Variants in WNK1 observed in about 807,000 individuals in gnomAD.
The protein encoded by WNK1 is serine/threonine-protein kinase WNK1.
WNK1 carries 38 observed loss-of-function variants against 222.8 expected under a neutral mutation model. That is an observed-to-expected ratio of 0.17 (90% CI 0.13 to 0.22). The LOEUF (loss-of-function observed/expected upper bound fraction) is 0.22. Ranked by LOEUF, WNK1 falls within the 10% of genes least tolerant of loss-of-function variation. The pLI is 1.00. For missense variants in WNK1, 2,348 were observed against 2,918.4 expected, an observed-to-expected ratio of 0.80 and a Z score of 4.50; for synonymous variants, 1,090 against 1,092.9, an observed-to-expected ratio of 1.00 and a Z score of 0.05.
chr12:785,223 T>C (rs1445318737), intron 1 of WNK1, among the ~76,000 whole-genome samples: 1 of 152,086 alleles, frequency 6.6e-6, no homozygotes, highest in African/African-American at 2.4e-5. Context: ...TTGGTATGGG[T>C]CTCTTTTTTC....
chr12:862,540 A>T (rs766003001), intron 8 of WNK1, among the ~76,000 whole-genome samples: 11 of 152,238 alleles, frequency 7.2e-5, no homozygotes, highest in Non-Finnish European at 1.5e-4. Context: ...TAAGATGTTG[A>T]AACTATTCAC....
Position 824,252 on chromosome 12 carries a change from G to A in WNK1, c.933-2790G>A, listed in dbSNP as rs1948166299. On this transcript the variant is annotated intron_variant, in intron 2 of 27. Transcript: ENST00000315939. ...TTTTTTTTGTCCTATCTGCACTGAT[G>A]GTGCCTAATTGTCACTTTTCTTTCT... 2.1e-5 allele frequency among the ~76,000 whole-genome samples: 3 copies of A among 144,972 alleles called. No homozygotes were observed. In the Admixed American group the frequency reaches 2.1e-4, roughly 10 times the overall value.
chr12:871,289 C>T lies in WNK1; in HGVS notation c.2164C>T (p.Pro722Ser). Residue 722 changes from proline to serine, a missense_variant, in exon 9 of 28, where the codon CCA (proline) becomes TCA (serine). By Grantham distance (74) the Pro-to-Ser change is moderately conservative. This residue lies in a region of WNK1 where 547 missense variants were observed against 558.3 expected (regional missense o/e 0.98). Coordinates refer to ENST00000315939, the MANE Select transcript of WNK1 (RefSeq NM_018979.4). ...SVAQGQSQGQPSSSSLTGVSS... is the reference protein window; with the variant it reads ...SVAQGQSQGQSSSSSLTGVSS... ...GGCACAGGGGCAGAGCCAGGGTCAGCCATCCTCAAGTAGCTTAACAGGGGT... is the reference window on the plus strand; with the variant it reads ...GGCACAGGGGCAGAGCCAGGGTCAGTCATCCTCAAGTAGCTTAACAGGGGT... 3 of 1,614,170 alleles carry T rather than the reference C, an allele frequency of 1.9e-6. No individual in the cohort carries two copies. Among genetic ancestry groups the T allele is most frequent in the South Asian group, 2.2e-5 (2 of 91,076 alleles).
At position 760,638 on chromosome 12, in the gene WNK1, T is replaced by G. The variant is rs1940883515; in HGVS notation, c.759+6314T>G. On this transcript the variant is annotated intron_variant, in intron 1 of 27. Coordinates refer to ENST00000315939, the MANE Select transcript of WNK1 (RefSeq NM_018979.4). ...TTTAGGAGCTTTTTGCTTTGTCAAC[T>G]TAATTTCTCAAATCTTAACAGGGGA... is the stretch of plus-strand genomic sequence containing the variant. 2.0e-5 allele frequency among the ~76,000 whole-genome samples: 3 copies of G among 148,090 alleles called. 1 individual carries two copies. In the South Asian group the frequency reaches 6.5e-4, roughly 32 times the overall value.
At chr12:817,535 C>T (rs919065805) in intron 2 of WNK1, among the ~76,000 whole-genome samples, 4 of 152,078 alleles carry the variant, frequency 2.6e-5, no homozygotes, top group African/African-American at 9.7e-5. Context: ...TTCCAAAATG[C>T]GTGCTTTTTG....
chr12:885,312 C>T lies in WNK1; in HGVS notation c.4508C>T (p.Ser1503Leu). ...STTTSFPSTA[S>L]QLCIQLSSST... is the part of the protein sequence containing the mutation. ...ACCACTTCATTCCCAAGCACAGCTT[C>T]ACAGCTGTGCATTCAGCTTAGCAGC... Residue 1503 changes from serine (S) to leucine (L), a missense_variant, in exon 19 of 28, where the codon TCA becomes TTA. Physicochemically the swap from Ser to Leu is moderately radical, Grantham distance 145. This residue lies in a region of WNK1 where 1,144 missense variants were observed against 1,273.6 expected (regional missense o/e 0.90). Transcript: ENST00000315939. 6.2e-7 allele frequency: 1 copy of T among 1,614,200 alleles called. No individual in the cohort carries two copies. The highest frequency in any genetic ancestry group is 8.5e-7 in the Non-Finnish European group (1 of 1,180,036).
At chr12:796,215 C>G (rs1447822813) in intron 1 of WNK1, among the ~76,000 whole-genome samples, 1 of 151,950 alleles carries the variant, frequency 6.6e-6, no homozygotes, top group Non-Finnish European at 1.5e-5. Context: ...TGCTCTTGTG[C>G]TTATAATATA....
chr12:848,945 T>C (rs1950225940), intron 4 of WNK1, among the ~76,000 whole-genome samples: 1 of 152,198 alleles, frequency 6.6e-6, no homozygotes, highest in African/African-American at 2.4e-5. Context: ...TGTTGCCTAA[T>C]AGAGTTTTAA....
At chr12:788,237 G>A (rs7311065) in intron 1 of WNK1, among the ~76,000 whole-genome samples, 114,606 of 152,038 alleles carry the variant, frequency 0.75, 43,304 homozygotes, top group East Asian at 0.87. Context: ...TGAATACTGT[G>A]GCAAAATTGT....
chr12:804,760 CTG>C (rs938642162), intron 1 of WNK1, among the ~76,000 whole-genome samples: 29 of 152,010 alleles, frequency 1.9e-4, no homozygotes, highest in African/African-American at 7.0e-4. Context: ...CTTTCTGTCT[CTG>C]TGAATTTGCA....
intron 1 of WNK1, among the ~76,000 whole-genome samples, chr12:784,856 C>G (rs1387251075): frequency 6.6e-6 from 1 of 152,130 alleles, no homozygotes; most frequent in Non-Finnish European, 1.5e-5. Flanking sequence ...TCCAGAATCC[C>G]ATTTCTTTCT....
rs1252404614 is a variant in WNK1 at position 868,795 on chromosome 12, T to G, written c.2140-2470T>G. 1 of 1,613,910 alleles carries G rather than the reference T, an allele frequency of 6.2e-7. No homozygotes were observed. Among genetic ancestry groups the G allele is most frequent in the Admixed American group, 1.7e-5 (1 of 59,996 alleles). On this transcript the variant is annotated intron_variant, in intron 8 of 27. Coordinates refer to ENST00000315939, the MANE Select transcript of WNK1 (RefSeq NM_018979.4). Reference sequence around the variant, plus strand: ...TGCAGCCTGTGACTGAAGAAAAGCATAATTACCATGCCCCAGAATTGACCG... The same window carrying G: ...TGCAGCCTGTGACTGAAGAAAAGCAGAATTACCATGCCCCAGAATTGACCG...
chr12:787,454 A>C (rs1018859800), intron 1 of WNK1, among the ~76,000 whole-genome samples: 2 of 152,202 alleles, frequency 1.3e-5, no homozygotes, highest in African/African-American at 4.8e-5. Flanking sequence ...GAGTTTAAAT[A>C]TGTTAATATA....
At chr12:856,593 C>T (rs1487975154) in intron 4 of WNK1, among the ~76,000 whole-genome samples, 1 of 152,102 alleles carries the variant, frequency 6.6e-6, no homozygotes, top group Non-Finnish European at 1.5e-5. Flanking sequence ...GCTTGTCTTT[C>T]GTATGGGTCC....
At chr12:757,348 A>G (rs1259652058) in intron 1 of WNK1, among the ~76,000 whole-genome samples, 2 of 20,594 alleles carry the variant, frequency 9.7e-5, no homozygotes, top group Non-Finnish European at 3.2e-4. Context: ...AAAAAAAGAG[A>G]CGGAGTCTTG....
rs1944092437 is a variant in WNK1 at position 784,663 on chromosome 12, G to A, written c.760-28979G>A. ...TCCTGAAGTCTTCCCTCCTAGCTGT[G>A]CAAATCTCCTGTCACTACATTAAAA... On this transcript the variant is annotated intron_variant, in intron 1 of 27. Coordinates refer to ENST00000315939, the MANE Select transcript of WNK1 (RefSeq NM_018979.4). Among the ~76,000 whole-genome samples the A allele has an allele frequency of 1.3e-5, 2 of 152,152 alleles. 1 individual carries two copies. Among genetic ancestry groups the A allele is most frequent in the South Asian group, 4.1e-4 (2 of 4,826 alleles).
Position 882,498 on chromosome 12 carries a change from A to G in WNK1, c.3372+425A>G, listed in dbSNP as rs987019521. On this transcript the variant is annotated intron_variant, in intron 14 of 27. Transcript: ENST00000315939. ...ACAGGCACCCAGCCAGATAATTTAT[A>G]TAGTACTCTTCTCATTTCATGCCCA... is the stretch of plus-strand genomic sequence containing the variant. 3.9e-5 allele frequency among the ~76,000 whole-genome samples: 6 copies of G among 152,192 alleles called. No individual in the cohort carries two copies. The South Asian group carries it at 1.0e-3, about 26-fold the overall frequency.
rs1470802692 is a variant in WNK1, at chr12:878,477, G to A, written c.2373+116G>A. On this transcript the variant is annotated intron_variant, in intron 10 of 27. Coordinates refer to ENST00000315939, the MANE Select transcript of WNK1 (RefSeq NM_018979.4). ...GATAGACTTCTACCTTTTCTTCTAAGGGTAACCAACCCTTGAAGTAGGTTA... is the reference window on the plus strand; with the variant it reads ...GATAGACTTCTACCTTTTCTTCTAAAGGTAACCAACCCTTGAAGTAGGTTA... The A allele has an allele frequency of 1.1e-5, 13 of 1,205,556 alleles. No homozygotes were observed. The highest frequency in any genetic ancestry group is 2.2e-4 in the Middle Eastern group (1 of 4,568). The allele number at this position is 1,205,556 out of a possible 1,614,324, so 74.7% of individuals were successfully genotyped here.
Position 896,657 on chromosome 12 carries a change from C to G in WNK1, c.6170C>G (p.Ser2057Cys). ...AGCCTTAGTAATTCATTTAACTCCT[C>G]TTACATGAGTAGCGACAATGAGTCA... Reference protein sequence around the residue: ...SQSLSNSFNSSYMSSDNESDI... With the variant: ...SQSLSNSFNSCYMSSDNESDI... Residue 2057 changes from serine (S) to cysteine (C), a missense_variant, in exon 24 of 28, where the codon TCT becomes TGT. Physicochemically the swap from Ser to Cys is moderately radical, Grantham distance 112 (BLOSUM62 -1). Coordinates refer to ENST00000315939, the MANE Select transcript of WNK1 (RefSeq NM_018979.4). 1 of 1,610,084 alleles carries G rather than the reference C, an allele frequency of 6.2e-7. No homozygotes were observed. Among genetic ancestry groups the G allele is most frequent in the African/African-American group, 1.4e-5 (1 of 73,844 alleles).
Sources: allele counts gnomAD v4.1 joint callset (sites outside exome capture counted in the v4.1 genomes callset), GRCh38; gene constraint gnomAD v4.1.1; regional missense constraint gnomAD v4.1.1; transcripts MANE v1.5; gene names NCBI Gene and HGNC (gene_info 2026-07-23, HGNC 2026-07-21).